The following SUGCT variants were observed in gnomAD, a reference collection of about 807,000 sequenced individuals.
SUGCT encodes succinyl-CoA:glutarate-CoA transferase.
SUGCT carries 41 observed loss-of-function variants against 55.0 expected under a neutral mutation model. That is an observed-to-expected ratio of 0.74 (90% CI 0.58 to 0.97). The LOEUF is 0.97. Among genes scored for constraint, SUGCT ranks in the 50% least tolerant of loss-of-function variants. The pLI is 0.00. For missense variants in SUGCT, 568 were observed against 547.8 expected, an observed-to-expected ratio of 1.04 and a Z score of -0.37; for synonymous variants, 187 against 200.4, an observed-to-expected ratio of 0.93 and a Z score of 0.56.
chr7:40,818,434 G>A (rs1791789843), intron 13 of SUGCT, among the ~76,000 whole-genome samples: 1 of 152,222 alleles, frequency 6.6e-6, no homozygotes, highest in African/African-American at 2.4e-5. Context: ...TGTAGCCAGG[G>A]AAACAAAGTA....
the SUGCT span, among the ~76,000 whole-genome samples, chr7:40,920,567 C>A: frequency 6.6e-6 from 1 of 152,136 alleles, no homozygotes; most frequent in Non-Finnish European, 1.5e-5. Flanking sequence ...CATGTCAGAG[C>A]CTCAGACATG....
chr7:41,001,688 C>T, the SUGCT span, among the ~76,000 whole-genome samples: 2 of 152,052 alleles, frequency 1.3e-5, no homozygotes, highest in African/African-American at 4.8e-5. Flanking sequence ...TCTCTGGGGT[C>T]TTTTTCTTTA....
chr7:40,588,950 T>C (rs1324658952), intron 12 of SUGCT, among the ~76,000 whole-genome samples: 1 of 152,230 alleles, frequency 6.6e-6, no homozygotes, highest in African/African-American at 2.4e-5. Flanking sequence ...TCTGATATTT[T>C]TGCTTGCTAG....
the SUGCT span, among the ~76,000 whole-genome samples, chr7:40,948,701 C>G: frequency 6.6e-6 from 1 of 151,862 alleles, no homozygotes; most frequent in South Asian, 2.1e-4. Context: ...GAGAACATGC[C>G]GTGTTTGGTT....
intron 12 of SUGCT, among the ~76,000 whole-genome samples, chr7:40,520,184 C>T (rs918471867): frequency 2.6e-5 from 4 of 151,922 alleles, no homozygotes; most frequent in Admixed American, 6.6e-5. Context: ...CTTAGACAAA[C>T]GGAATAAAAA....
intron 7 of SUGCT, among the ~76,000 whole-genome samples, chr7:40,262,852 T>C (rs934599603): frequency 2.6e-5 from 4 of 152,158 alleles, no homozygotes; most frequent in Non-Finnish European, 5.9e-5. Context: ...GAACAGAAGC[T>C]TTTGGATCAG....
chr7:40,152,986 T>A (rs1788660124), intron 1 of SUGCT: 1 of 183,804 alleles, frequency 5.4e-6, no homozygotes, highest in Non-Finnish European at 1.1e-5. Context: ...ATTACAGGCG[T>A]GAGCCACTGC....
At chr7:40,597,686 A>T (rs917411098) in intron 12 of SUGCT, among the ~76,000 whole-genome samples, 3 of 152,190 alleles carry the variant, frequency 2.0e-5, no homozygotes, top group African/African-American at 7.2e-5. Flanking sequence ...TTTCCTTGGC[A>T]TGGTGGACTG....
At chr7:40,396,107 TGTTA>T (rs1785711794) in intron 9 of SUGCT, among the ~76,000 whole-genome samples, 3 of 152,176 alleles carry the variant, frequency 2.0e-5, no homozygotes, top group South Asian at 4.1e-4. Context: ...AGAGTGAGAC[TGTTA>T]GTGAAAGAAG....
At chr7:40,968,784 A>G in the SUGCT span, among the ~76,000 whole-genome samples, 2 of 152,140 alleles carry the variant, frequency 1.3e-5, no homozygotes, top group African/African-American at 4.8e-5. Context: ...CCAGTAAGTA[A>G]CAAGGCCCAT....
At chr7:40,931,870 C>G in the SUGCT span, among the ~76,000 whole-genome samples, 2 of 152,148 alleles carry the variant, frequency 1.3e-5, no homozygotes, top group Non-Finnish European at 2.9e-5. Flanking sequence ...TTTCAAAAAA[C>G]CAGCTCCTGG....
chr7:40,842,972 G>A (rs1309675223), intron 13 of SUGCT, among the ~76,000 whole-genome samples: 1 of 152,186 alleles, frequency 6.6e-6, no homozygotes, highest in East Asian at 1.9e-4. Flanking sequence ...TTGAGGTTGT[G>A]AGCACTTTGA....
Position 40,517,849 on chromosome 7 carries a change from C to T in SUGCT, c.1089+21463C>T, listed in dbSNP as rs146040053. ...AAGTTGCCACCCCTTCTACCCATCC[C>T]GGTAGATCTTAAATCTATATTGCTG... is the stretch of plus-strand genomic sequence containing the variant. On this transcript the variant is annotated intron_variant, in intron 12 of 13. Coordinates refer to ENST00000335693, the MANE Select transcript of SUGCT (RefSeq NM_001193313.2). 1.3e-4 allele frequency among the ~76,000 whole-genome samples: 20 copies of T among 152,138 alleles called. No homozygotes were observed. In the East Asian group the frequency reaches 2.7e-3, roughly 21 times the overall value.
chr7:40,560,673 T>C (rs1165169148), intron 12 of SUGCT, among the ~76,000 whole-genome samples: 2 of 152,232 alleles, frequency 1.3e-5, no homozygotes, highest in Admixed American at 6.5e-5. Context: ...TGGCTTTGTA[T>C]TGAAAATTGA....
chr7:40,548,186 CT>C (rs1186226631), intron 12 of SUGCT, among the ~76,000 whole-genome samples: 1,446 of 105,014 alleles, frequency 0.014, 5 homozygotes, highest in Middle Eastern at 0.054. Context: ...TTCTTTCTTT[CT>C]TTTTTTTTTT....
intron 12 of SUGCT, among the ~76,000 whole-genome samples, chr7:40,578,690 C>A (rs1015551752): frequency 1.3e-5 from 2 of 152,156 alleles, no homozygotes; most frequent in Admixed American, 6.5e-5. Flanking sequence ...TGGTAGTCTT[C>A]AACTCAGGCG....
intron 13 of SUGCT, 74 bp from the exon 14 acceptor site, chr7:40,860,242 C>A: frequency 6.3e-7 from 1 of 1,588,646 alleles, no homozygotes. Context: ...TGGAAAACAC[C>A]CCAGGCTGCT....
At chr7:40,923,087 A>G in the SUGCT span, among the ~76,000 whole-genome samples, 1 of 152,220 alleles carries the variant, frequency 6.6e-6, no homozygotes, top group Non-Finnish European at 1.5e-5. Flanking sequence ...TGGAGCCTCT[A>G]TAAAATAGAA....
intron 8 of SUGCT, 50 bp downstream of exon 8, chr7:40,274,706 GTTA>G (rs757694851): frequency 6.4e-7 from 1 of 1,570,028 alleles, no homozygotes. Flanking sequence ...CTGTGTCTGG[GTTA>G]TACCTTTTCA....
Sources: gnomAD v4.1 joint callset for allele counts (sites outside exome capture counted in the v4.1 genomes callset) on GRCh38, gnomAD v4.1.1 for gene constraint, MANE v1.5 for transcripts, NCBI Gene and HGNC (gene_info 2026-07-23, HGNC 2026-07-21) for gene names.